The following SAFB2 variants were observed in gnomAD, a reference collection of about 807,000 sequenced individuals.
The protein encoded by SAFB2 is scaffold attachment factor B2.
A neutral mutation model predicts 100.6 loss-of-function variants in SAFB2; 32 were observed. That is an observed-to-expected ratio of 0.32 (90% CI 0.24 to 0.43). The LOEUF (loss-of-function observed/expected upper bound fraction) is 0.43, where lower values mean the gene tolerates loss of function less well. Among genes scored for constraint, SAFB2 ranks in the 20% least tolerant of loss-of-function variants. The pLI, the probability that SAFB2 is intolerant of heterozygous loss-of-function variation, is 1.00. For synonymous variants in SAFB2, 500 were observed against 439.4 expected (o/e 1.14, Z -1.72); for missense variants, 1,185 against 1,163.4 (o/e 1.02, Z -0.27).
intron 18 of SAFB2, among the ~76,000 whole-genome samples, chr19:5,589,913 C>T (rs996679243): frequency 7.2e-5 from 11 of 152,170 alleles, no homozygotes; most frequent in African/African-American, 1.2e-4. Context: ...CAAGAGGCAA[C>T]GTGGAGGCAG....
chr19:5,587,461 G>A lies in SAFB2; in HGVS notation c.2706-62C>T. On this transcript the variant is annotated intron_variant, in intron 20 of 20. Coordinates refer to ENST00000252542, the MANE Select transcript of SAFB2 (RefSeq NM_014649.3). This position sits in a 1 kb window ranked among gnomAD's most constrained non-coding sequence, Gnocchi z 4.9. The stretch of plus-strand genomic sequence containing the variant: ...GTGCTCAGCGTTTTCATCGTAACAT[G>A]GGTTCAGTAACGGTCCCGCAGCCTT... 6.5e-7 allele frequency: 1 copy of A among 1,547,400 alleles called. No homozygotes were observed. The highest frequency in any genetic ancestry group is 8.8e-7 in the Non-Finnish European group (1 of 1,142,318).
intron 17 of SAFB2, chr19:5,591,269 GCGC>G (rs1387162330): frequency 2.1e-5 from 3 of 145,714 alleles, no homozygotes; most frequent in East Asian, 2.0e-4. Context: ...TCAAATATTT[GCGC>G]TTTTTTTTTT....
At position 5,587,258 on chromosome 19, in the gene SAFB2, G is replaced by A. The variant is rs542915313; in HGVS notation, c.2847C>T (p.Phe949=). Residue 949 remains phenylalanine, a synonymous_variant, in exon 21 of 21, where the codon TTC becomes TTT. Transcript: ENST00000252542. The surrounding 1 kb of genome is among the most constrained non-coding windows in gnomAD (Gnocchi z 4.9). ...PHPHPPPYPH[F]TRRY ...CGAGTGGGACTTAGTAGCGGCGGGT[G>A]AAGTGGGGGTACGGGGGGGGATGAG... 4 of 1,612,542 alleles carry A rather than the reference G, an allele frequency of 2.5e-6. No homozygotes were observed. The highest frequency in any genetic ancestry group is 1.3e-5 in the African/African-American group (1 of 74,878).
At chr19:5,618,835 G>A (rs1005538343) in intron 2 of SAFB2, among the ~76,000 whole-genome samples, 1 of 152,208 alleles carries the variant, frequency 6.6e-6, no homozygotes, top group African/African-American at 2.4e-5. Flanking sequence ...CGCTGCTGGG[G>A]ACACAGATGT....
chr19:5,591,416 C>T lies in SAFB2; in HGVS notation c.2394+332G>A, dbSNP rs548631218. The stretch of plus-strand genomic sequence containing the variant: ...GCCTCAGCCTCCCGAGTAGCTGGGA[C>T]TACAGGCACTCGCCACCATGCCTGG... On this transcript the variant is annotated intron_variant, in intron 17 of 20. Coordinates refer to ENST00000252542, the MANE Select transcript of SAFB2 (RefSeq NM_014649.3). The T allele has an allele frequency of 1.1e-3, 241 of 213,952 alleles. 2 individuals are homozygous for T. Among genetic ancestry groups the T allele is most frequent in the Non-Finnish European group, 1.6e-3 (168 of 105,894 alleles). 13.3% of individuals were successfully genotyped at this position (213,952 alleles called of 1,614,324 possible).
At chr19:5,590,241 C>CAGAT (rs2052362456) in intron 18 of SAFB2, 37 bp downstream of exon 18, 1 of 1,507,374 alleles carries the variant, frequency 6.6e-7, no homozygotes, top group African/African-American at 1.4e-5. Context: ...CAGGTTAGGA[C>CAGAT]AGATGCTCCC....
chr19:5,621,279 C>T (rs774885392), intron 2 of SAFB2, 30 bp downstream of exon 2: 16 of 1,437,112 alleles, frequency 1.1e-5, no homozygotes, highest in Non-Finnish European at 1.6e-5. Flanking sequence ...TCTCTGAACA[C>T]TCAAGCCCCA....
intron 2 of SAFB2, among the ~76,000 whole-genome samples, chr19:5,617,967 A>AC (rs2053067238): frequency 6.6e-6 from 1 of 152,006 alleles, no homozygotes; most frequent in Non-Finnish European, 1.5e-5. Flanking sequence ...ACAAAGTGAG[A>AC]CCCCCATCTC....
intron 2 of SAFB2, among the ~76,000 whole-genome samples, chr19:5,618,683 G>T (rs750086678): frequency 2.0e-5 from 3 of 152,132 alleles, no homozygotes; most frequent in Non-Finnish European, 1.5e-5. Flanking sequence ...CAATTTCTAG[G>T]CCCCTAAATA....
chr19:5,615,039 T>C (rs1396442561), intron 4 of SAFB2, among the ~76,000 whole-genome samples: 1 of 151,996 alleles, frequency 6.6e-6, no homozygotes, highest in African/African-American at 2.4e-5. Context: ...GATGAAACCC[T>C]ATCTCTACCA....
intron 9 of SAFB2, among the ~76,000 whole-genome samples, chr19:5,605,186 C>T (rs972405980): frequency 1.3e-5 from 2 of 151,612 alleles, no homozygotes; most frequent in African/African-American, 4.9e-5. Context: ...CTCACCGCGA[C>T]CTCCGCCTCC....
intron 15 of SAFB2, 22 bp downstream of exon 15, chr19:5,593,869 C>T: frequency 6.9e-7 from 1 of 1,448,740 alleles, no homozygotes; most frequent in Middle Eastern, 2.1e-4. Flanking sequence ...TCCGTCCTGC[C>T]CACGCTCTGG....
intron 1 of SAFB2, among the ~76,000 whole-genome samples, chr19:5,622,225 C>A (rs1188600863): frequency 6.6e-6 from 1 of 152,236 alleles, no homozygotes; most frequent in Non-Finnish European, 1.5e-5. Flanking sequence ...CCCAAGGTCA[C>A]AGAGCCAAGG....
At chr19:5,598,946 C>T (rs945446181) in intron 12 of SAFB2, 62 bp from the exon 13 acceptor site, 68 of 1,486,390 alleles carry the variant, frequency 4.6e-5, no homozygotes, top group African/African-American at 6.9e-5. Context: ...CCGCAGTAAA[C>T]AGCACTCTGA....
At chr19:5,613,126 A>G (rs988056836) in intron 5 of SAFB2, among the ~76,000 whole-genome samples, 1 of 152,076 alleles carries the variant, frequency 6.6e-6, no homozygotes, top group African/African-American at 2.4e-5. Context: ...TCTCTTTTGC[A>G]TCAGAGACAC....
At chr19:5,595,737 G>C (rs939501295) in intron 13 of SAFB2, among the ~76,000 whole-genome samples, 6 of 152,204 alleles carry the variant, frequency 3.9e-5, no homozygotes, top group Non-Finnish European at 7.3e-5. Flanking sequence ...GAAGAGGTTG[G>C]CCCACGCCTC....
chr19:5,612,498 A>G lies in SAFB2; in HGVS notation c.634+42T>C, dbSNP rs201475404. On this transcript the variant is annotated intron_variant, in intron 6 of 20. Transcript: ENST00000252542. ...TAGACAGCTTTAAAATAATAGTGTG[A>G]AAACTTTCAAACCATAACTGTCGTG... 3.2e-6 allele frequency: 5 copies of G among 1,578,084 alleles called. 1 individual carries two copies. The South Asian group carries it at 4.4e-5, about 14-fold the overall frequency.
At chr19:5,588,290 C>A (rs984851281) in intron 18 of SAFB2, among the ~76,000 whole-genome samples, 3 of 152,048 alleles carry the variant, frequency 2.0e-5, no homozygotes, top group African/African-American at 7.2e-5. Flanking sequence ...GGGAAGAACC[C>A]TTGTCCACTG....
At chr19:5,613,734 G>T in intron 4 of SAFB2, 1 of 985,428 alleles carries the variant, frequency 1.0e-6, no homozygotes, top group Non-Finnish European at 1.2e-6. Flanking sequence ...TCTGGCAGTG[G>T]CCTGCAGGTG....
Sources: allele counts gnomAD v4.1 joint callset (sites outside exome capture counted in the v4.1 genomes callset), GRCh38; gene constraint gnomAD v4.1.1; non-coding constraint Gnocchi (gnomAD v3.1); transcripts MANE v1.5; gene names NCBI Gene and HGNC (gene_info 2026-07-23, HGNC 2026-07-21).